The following PTPRB variants were observed in gnomAD, a reference collection of about 807,000 sequenced individuals.
PTPRB encodes receptor-type tyrosine-protein phosphatase beta.
Under a neutral mutation model 238.1 loss-of-function variants are expected in PTPRB, and 97 were observed. That is an observed-to-expected ratio of 0.41 (90% CI 0.35 to 0.48). The LOEUF (loss-of-function observed/expected upper bound fraction) is 0.48, where lower values mean the gene tolerates loss of function less well. PTPRB is among the 20% of genes least tolerant of loss of function. The pLI is 0.30. For synonymous variants in PTPRB, 970 were observed against 995.4 expected, an observed-to-expected ratio of 0.97 and a Z score of 0.48; for missense variants, 2,292 against 2,681.9, an observed-to-expected ratio of 0.85 and a Z score of 3.21.
intron 18 of PTPRB, among the ~76,000 whole-genome samples, chr12:70,556,993 C>G (rs1286042800): frequency 6.6e-6 from 1 of 152,166 alleles, no homozygotes; most frequent in East Asian, 1.9e-4. Flanking sequence ...ATAGCCATAA[C>G]ACAAGGTAGA....
intron 1 of PTPRB, 106 bp downstream of exon 1, chr12:70,637,235 A>G (rs1046053419): frequency 1.5e-5 from 15 of 996,428 alleles, no homozygotes; most frequent in Non-Finnish European, 2.2e-5. Flanking sequence ...CTAAACTGCC[A>G]TGGAGACCTG....
chr12:70,626,926 T>C (rs972404377), intron 2 of PTPRB, among the ~76,000 whole-genome samples: 2 of 152,030 alleles, frequency 1.3e-5, no homozygotes, highest in South Asian at 2.1e-4. Flanking sequence ...AAAATACATA[T>C]CTAAATTACT....
intron 10 of PTPRB, among the ~76,000 whole-genome samples, chr12:70,578,375 A>T (rs1881016879): frequency 6.6e-6 from 1 of 152,134 alleles, no homozygotes; most frequent in South Asian, 2.1e-4. Flanking sequence ...CTGTGTACAA[A>T]ATTTACTAAA....
In PTPRB at chr12:70,563,125, C is replaced by A; in HGVS notation, c.3905-18G>T. 1 of 1,600,660 alleles carries A rather than the reference C, an allele frequency of 6.2e-7. No individual in the cohort carries two copies. Among genetic ancestry groups the A allele is most frequent in the Non-Finnish European group, 8.5e-7 (1 of 1,171,712 alleles). Reference sequence around the variant, plus strand: ...TGCTGGGACTGGAAAAGTCGAGGAGCAAGAGAATGAGGGAGGGAAATGCAG... The same window carrying A: ...TGCTGGGACTGGAAAAGTCGAGGAGAAAGAGAATGAGGGAGGGAAATGCAG... On this transcript the variant is annotated intron_variant, in intron 15 of 33. Coordinates refer to ENST00000334414, the MANE Select transcript of PTPRB (RefSeq NM_001109754.4).
chr12:70,609,842 G>A (rs1260064050), intron 3 of PTPRB: 2 of 1,562,432 alleles, frequency 1.3e-6, no homozygotes, highest in Non-Finnish European at 1.7e-6. Context: ...ATCCAGAGGA[G>A]ACCGAGGGGG....
intron 21 of PTPRB, among the ~76,000 whole-genome samples, chr12:70,545,457 AT>A (rs1177955632): frequency 6.6e-6 from 1 of 152,260 alleles, no homozygotes; most frequent in Non-Finnish European, 1.5e-5. Context: ...TGCTTTATAA[AT>A]TGCTGAAGTT....
chr12:70,623,696 C>T (rs1041631296), intron 2 of PTPRB, among the ~76,000 whole-genome samples: 1 of 152,164 alleles, frequency 6.6e-6, no homozygotes. Flanking sequence ...GAGTTTCTGG[C>T]TAAAAGACTG....
Position 70,596,212 on chromosome 12 carries a change from A to G in PTPRB, c.1095T>C (p.Phe365=), listed in dbSNP as rs763629930. The change falls in exon 5 of 34, where the codon TTT becomes TTC. Residue 365 remains phenylalanine, a synonymous_variant. Transcript: ENST00000334414. Reference sequence around the variant, plus strand: ...CCTGTATCTTTTGGTTATTTTCATCAAATAATTGCACCTCATATGAGGTGA... The same window carrying G: ...CCTGTATCTTTTGGTTATTTTCATCGAATAATTGCACCTCATATGAGGTGA... ...GKVTSYEVQL[F]DENNQKIQGV... The G allele has an allele frequency of 2.5e-5, 41 of 1,613,654 alleles. No individual in the cohort carries two copies. The South Asian group carries it at 4.1e-4, about 16-fold the overall frequency.
At chr12:70,629,911 T>C (rs538996827) in intron 2 of PTPRB, among the ~76,000 whole-genome samples, 23 of 152,280 alleles carry the variant, frequency 1.5e-4, no homozygotes, top group African/African-American at 5.3e-4. Flanking sequence ...GTGGAATCTC[T>C]GAATAGACCA....
Position 70,559,605 on chromosome 12 carries a change from A to G in PTPRB, c.4452T>C (p.Leu1484=), listed in dbSNP as rs778241308. 2.5e-6 allele frequency: 4 copies of G among 1,611,394 alleles called. No homozygotes were observed. In the South Asian group the frequency reaches 3.3e-5, roughly 13 times the overall value. ...TGTTTGCAATGTCAGCAAATGACAT[A>G]AGACTGGGAGGACTTGGAGCTGAAT... ...ESRTAPSPPS[L]MSFADIANTS... Residue 1484 remains leucine (L), a synonymous_variant, in exon 18 of 34, where the codon CTT becomes CTC. Coordinates refer to ENST00000334414, the MANE Select transcript of PTPRB (RefSeq NM_001109754.4).
At chr12:70,630,245 G>C (rs900667291) in intron 2 of PTPRB, among the ~76,000 whole-genome samples, 1 of 152,156 alleles carries the variant, frequency 6.6e-6, no homozygotes, top group Non-Finnish European at 1.5e-5. Context: ...TCATCCCTGG[G>C]ATGCAAGGCT....
At chr12:70,601,805 TTTTTGAGATGGA>T (rs1883522761) in intron 4 of PTPRB, among the ~76,000 whole-genome samples, 1 of 133,162 alleles carries the variant, frequency 7.5e-6, no homozygotes, top group African/African-American at 2.8e-5. Flanking sequence ...TTTTTTTTTT[TTTTTGAGATGGA>T]GTCTCACTCT....
chr12:70,533,043 A>G (rs1436958616), intron 31 of PTPRB, among the ~76,000 whole-genome samples: 1 of 152,198 alleles, frequency 6.6e-6, no homozygotes, highest in African/African-American at 2.4e-5. Flanking sequence ...TGTGTTGCAA[A>G]GAACATGAAT....
At chr12:70,629,928 G>C (rs1178470266) in intron 2 of PTPRB, among the ~76,000 whole-genome samples, 2 of 152,050 alleles carry the variant, frequency 1.3e-5, no homozygotes, top group African/African-American at 2.4e-5. Context: ...ACCAATAACA[G>C]GTTCTGAAAT....
intron 32 of PTPRB, among the ~76,000 whole-genome samples, chr12:70,526,140 TATCC>T (rs1872401746): frequency 6.6e-6 from 1 of 152,216 alleles, no homozygotes; most frequent in Non-Finnish European, 1.5e-5. Context: ...CTTGGCCAGC[TATCC>T]ATGGGACTAT....
intron 3 of PTPRB, among the ~76,000 whole-genome samples, chr12:70,610,641 T>C (rs1884393332): frequency 6.6e-6 from 1 of 152,162 alleles, no homozygotes; most frequent in East Asian, 1.9e-4. Context: ...AAAAGGATTG[T>C]CAGCTTGACC....
chr12:70,610,687 T>C (rs1884395728), intron 3 of PTPRB, among the ~76,000 whole-genome samples: 1 of 152,162 alleles, frequency 6.6e-6, no homozygotes, highest in Admixed American at 6.5e-5. Flanking sequence ...TTTTCTCTTG[T>C]ATAGGTTTGT....
Position 70,596,268 on chromosome 12 carries a change from G to T in PTPRB, c.1039C>A (p.His347Asn). 6.2e-7 allele frequency: 1 copy of T among 1,611,806 alleles called. No individual in the cohort carries two copies. Among genetic ancestry groups the T allele is most frequent in the Non-Finnish European group, 8.5e-7 (1 of 1,179,384 alleles). The change falls in exon 5 of 34, where the codon CAT becomes AAT. Residue 347 changes from histidine to asparagine, a missense_variant. Physicochemically the swap from His to Asn is moderately conservative, Grantham distance 68. This residue lies in a region of PTPRB where 1,205 missense variants were observed against 1,287.8 expected (regional missense o/e 0.94). Transcript: ENST00000334414. ...CCGGAAGAAGGAGTCCACCAAACAT[G>T]CAAGCTGGTTGAAGTCGTCTTCTCT... Reference protein sequence around the residue: ...SKEKTTSTSLHVWWTPSSGKV... With the variant: ...SKEKTTSTSLNVWWTPSSGKV...
chr12:70,616,414 T>C (rs909994200), intron 3 of PTPRB, among the ~76,000 whole-genome samples: 10 of 152,228 alleles, frequency 6.6e-5, no homozygotes, highest in African/African-American at 1.9e-4. Flanking sequence ...CAACACTTCC[T>C]CCTTTTTCCT....
Sources: gnomAD v4.1 joint callset for allele counts (sites outside exome capture counted in the v4.1 genomes callset) on GRCh38, gnomAD v4.1.1 for gene constraint, gnomAD v4.1.1 regional missense constraint, MANE v1.5 for transcripts, NCBI Gene and HGNC (gene_info 2026-07-23, HGNC 2026-07-21) for gene names.